The following EAPP variants were observed in gnomAD, a reference collection of about 807,000 sequenced individuals.
EAPP encodes E2F associated phosphoprotein.
In EAPP, 38 loss-of-function variants were observed where a neutral mutation model predicts 34.3. That is an observed-to-expected ratio of 1.11 (90% CI 0.85 to 1.45). EAPP has a LOEUF of 1.45. EAPP is among the 40% of genes most tolerant of loss of function. The probability of loss-of-function intolerance (pLI) is 0.00; values close to 1 mark genes in which losing one functional copy is unlikely to be tolerated. For missense variants in EAPP, 338 were observed against 343.7 expected (o/e 0.98, Z 0.13); for synonymous variants, 113 against 117.6 (o/e 0.96, Z 0.25).
intron 5 of EAPP, among the ~76,000 whole-genome samples, chr14:34,522,213 G>T (rs1164588117): frequency 6.6e-6 from 1 of 152,004 alleles, no homozygotes; most frequent in Non-Finnish European, 1.5e-5. Context: ...TCCCAGCTTG[G>T]CCTCCCAAAG....
chr14:34,516,659 G>A, intron 5 of EAPP, 73 bp from the exon 6 acceptor site: 14 of 1,456,384 alleles, frequency 9.6e-6, no homozygotes, highest in Non-Finnish European at 1.3e-5. Context: ...GATAAAATTT[G>A]AGAATACCAA....
intron 1 of EAPP, among the ~76,000 whole-genome samples, chr14:34,537,417 T>C (rs1211238777): frequency 6.6e-6 from 1 of 152,238 alleles, no homozygotes; most frequent in Admixed American, 6.5e-5. Context: ...CTACAAATTT[T>C]CTTCAATCCT....
At chr14:34,535,802 T>G (rs1188120634) in intron 2 of EAPP, 2 of 242,146 alleles carry the variant, frequency 8.3e-6, no homozygotes, top group African/African-American at 2.3e-5. Flanking sequence ...GAAACGGAGG[T>G]GGGAAGATCA....
chr14:34,523,032 A>G (rs1285976689), intron 5 of EAPP, among the ~76,000 whole-genome samples: 1 of 152,136 alleles, frequency 6.6e-6, no homozygotes, highest in East Asian at 1.9e-4. Context: ...GTGGAGAAGG[A>G]TAAGCAGATA....
At chr14:34,523,461 G>C (rs1436004870) in intron 5 of EAPP, among the ~76,000 whole-genome samples, 2 of 150,604 alleles carry the variant, frequency 1.3e-5, no homozygotes, top group South Asian at 2.1e-4. Flanking sequence ...TCCTGACCTC[G>C]TGATCCGCCC....
chr14:34,539,348 C>T (rs1294599345), intron 1 of EAPP: 3 of 700,872 alleles, frequency 4.3e-6, no homozygotes, highest in African/African-American at 3.5e-5. Context: ...CCGGAATATC[C>T]CTCTTCCTAC....
chr14:34,534,316 T>G (rs1880392784), intron 2 of EAPP, among the ~76,000 whole-genome samples: 1 of 152,104 alleles, frequency 6.6e-6, no homozygotes, highest in Non-Finnish European at 1.5e-5. Context: ...GTGTTTTTAG[T>G]AGAGACAGGG....
At chr14:34,524,531 G>A (rs1204799267) in intron 5 of EAPP, among the ~76,000 whole-genome samples, 166 bp downstream of exon 5, 1 of 151,908 alleles carries the variant, frequency 6.6e-6, no homozygotes, top group East Asian at 1.9e-4. Flanking sequence ...CAGGAGACTC[G>A]CTTGAACCCA....
intron 2 of EAPP, among the ~76,000 whole-genome samples, chr14:34,535,038 T>C (rs565931564): frequency 4.1e-4 from 59 of 142,942 alleles, no homozygotes; most frequent in Non-Finnish European, 8.1e-4. Context: ...GGGGTTTCAC[T>C]GTATTGGCCA....
intron 1 of EAPP, among the ~76,000 whole-genome samples, chr14:34,538,398 ATAAATAAT>A (rs934288558): frequency 1.4e-4 from 22 of 152,002 alleles, no homozygotes; most frequent in Admixed American, 4.6e-4. Context: ...AAATAAATAA[ATAAATAAT>A]TGAGACATAC....
chr14:34,528,828 T>TA (rs892381921), intron 4 of EAPP, among the ~76,000 whole-genome samples: 13 of 149,072 alleles, frequency 8.7e-5, no homozygotes, highest in South Asian at 6.5e-4. Context: ...TCAACAAGTT[T>TA]AAAAAAAAAC....
chr14:34,532,177 C>G (rs934509702), intron 3 of EAPP, among the ~76,000 whole-genome samples: 1 of 148,324 alleles, frequency 6.7e-6, no homozygotes, highest in Non-Finnish European at 1.5e-5. Flanking sequence ...CAGGAGGAGG[C>G]CAGGCCGCGG....
intron 2 of EAPP, 99 bp downstream of exon 2, chr14:34,535,995 G>A (rs1880458143): frequency 1.1e-5 from 8 of 750,032 alleles, no homozygotes; most frequent in Non-Finnish European, 1.7e-5. Flanking sequence ...TATTTATTGA[G>A]CACCTACTGA....
chr14:34,518,533 A>T (rs770514522), intron 5 of EAPP, among the ~76,000 whole-genome samples: 27 of 151,888 alleles, frequency 1.8e-4, no homozygotes, highest in Non-Finnish European at 3.2e-4. Flanking sequence ...GGGTTTCACC[A>T]TGTTGGCCAG....
chr14:34,526,724 T>C (rs1295677275), intron 4 of EAPP, among the ~76,000 whole-genome samples: 1 of 151,158 alleles, frequency 6.6e-6, no homozygotes, highest in African/African-American at 2.4e-5. Context: ...CTTGTGTCTA[T>C]TAAAAATTAA....
chr14:34,531,337 T>C (rs1462707679), intron 3 of EAPP, among the ~76,000 whole-genome samples: 1 of 151,876 alleles, frequency 6.6e-6, no homozygotes, highest in Non-Finnish European at 1.5e-5. Flanking sequence ...GCGCGGTGGC[T>C]CATGCCTGTA....
At position 34,539,587 on chromosome 14, in the gene EAPP, T is replaced by C; in HGVS notation, c.42A>G (p.Glu14=). 6.2e-7 allele frequency: 1 copy of C among 1,600,436 alleles called. No individual in the cohort carries two copies. The highest frequency in any genetic ancestry group is 8.5e-7 in the Non-Finnish European group (1 of 1,172,826). The change falls in exon 1 of 6, where the codon GAA becomes GAG. Residue 14 remains glutamate (E), a synonymous_variant. Transcript: ENST00000250454. ...AAGCCGGCTCCTCGTCGCTAGGCTCTTCAACCGCGTAGGGGTCGTAGTCAT... is the reference window on the plus strand; with the variant it reads ...AAGCCGGCTCCTCGTCGCTAGGCTCCTCAACCGCGTAGGGGTCGTAGTCAT... The part of the protein sequence containing the change: ...LPDDYDPYAV[E]EPSDEEPALS...
intron 2 of EAPP, among the ~76,000 whole-genome samples, chr14:34,534,223 C>T (rs1243985969): frequency 1.3e-5 from 2 of 151,688 alleles, no homozygotes; most frequent in Non-Finnish European, 2.9e-5. Flanking sequence ...ACCTCTGCCA[C>T]CTGGGTTCAG....
intron 3 of EAPP, among the ~76,000 whole-genome samples, chr14:34,530,520 C>T (rs1000161824): frequency 4.0e-5 from 6 of 151,874 alleles, no homozygotes; most frequent in African/African-American, 1.5e-4. Context: ...AGAGTGAGAC[C>T]TATCTCTAAA....
Sources: allele counts gnomAD v4.1 joint callset (sites outside exome capture counted in the v4.1 genomes callset), GRCh38; gene constraint gnomAD v4.1.1; transcripts MANE v1.5; gene names NCBI Gene and HGNC (gene_info 2026-07-23, HGNC 2026-07-21).